The following CNTNAP2 variants were observed in gnomAD, a reference collection of about 807,000 sequenced individuals.
CNTNAP2 encodes the protein contactin-associated protein-like 2.
Under a neutral mutation model 155.2 loss-of-function variants are expected in CNTNAP2, and 98 were observed. The ratio of observed to expected loss-of-function variants is 0.63; its 90% CI spans 0.54 to 0.75. The LOEUF is 0.75. CNTNAP2 is among the 30% of genes least tolerant of loss of function. CNTNAP2 has a pLI of 0.00. For synonymous variants in CNTNAP2, 651 were observed against 631.2 expected (o/e 1.03, Z -0.47); for missense variants, 1,727 against 1,688.1 (o/e 1.02, Z -0.40).
At chr7:146,817,413 A>T (rs961662709) in intron 2 of CNTNAP2, among the ~76,000 whole-genome samples, 1 of 151,958 alleles carries the variant, frequency 6.6e-6, no homozygotes, top group Admixed American at 6.6e-5. Flanking sequence ...CGGAAGTTGC[A>T]GTGAGCCGAG....
intron 1 of CNTNAP2, among the ~76,000 whole-genome samples, chr7:146,231,956 A>C (rs960316937): frequency 6.6e-6 from 1 of 152,224 alleles, no homozygotes; most frequent in South Asian, 2.1e-4. Context: ...TTTTTTTTCT[A>C]ATTTTTGCAA....
intron 8 of CNTNAP2, among the ~76,000 whole-genome samples, chr7:147,192,127 C>A (rs1305514551): frequency 6.6e-6 from 1 of 152,126 alleles, no homozygotes; most frequent in Non-Finnish European, 1.5e-5. Flanking sequence ...GTAAAATAGT[C>A]ATTTGGTCTC....
intron 11 of CNTNAP2, among the ~76,000 whole-genome samples, chr7:147,501,225 A>G (rs1483860699): frequency 6.6e-6 from 1 of 151,760 alleles, no homozygotes; most frequent in African/African-American, 2.4e-5. Context: ...TACAGAAGGA[A>G]CATACCTCAA....
chr7:146,743,357 C>T (rs542385484), intron 1 of CNTNAP2, among the ~76,000 whole-genome samples: 1 of 152,072 alleles, frequency 6.6e-6, no homozygotes, highest in South Asian at 2.1e-4. Flanking sequence ...GTTATAGATG[C>T]CTTTTTTCCT....
chr7:146,816,039 G>T (rs1362798255), intron 2 of CNTNAP2, among the ~76,000 whole-genome samples: 1 of 152,160 alleles, frequency 6.6e-6, no homozygotes, highest in Non-Finnish European at 1.5e-5. Flanking sequence ...GTGATAGTTT[G>T]CTCAGAATGA....
At chr7:147,186,480 A>G (rs1194491586) in intron 8 of CNTNAP2, among the ~76,000 whole-genome samples, 2 of 152,298 alleles carry the variant, frequency 1.3e-5, no homozygotes, top group East Asian at 3.9e-4. Flanking sequence ...TTCTTGAGAG[A>G]CATAGCTAGA....
At chr7:147,869,729 C>T (rs78372348) in intron 13 of CNTNAP2, among the ~76,000 whole-genome samples, 239 of 151,888 alleles carry the variant, frequency 1.6e-3, no homozygotes, top group African/African-American at 5.4e-3. Flanking sequence ...TTTCTAGCCT[C>T]CTTGCTTGAT....
At chr7:147,750,983 T>C (rs1042500014) in intron 13 of CNTNAP2, among the ~76,000 whole-genome samples, 2 of 151,908 alleles carry the variant, frequency 1.3e-5, no homozygotes, top group African/African-American at 4.8e-5. Flanking sequence ...GAGCTTGCAG[T>C]GAGCCGAGAT....
intron 3 of CNTNAP2, among the ~76,000 whole-genome samples, chr7:146,882,004 C>T (rs1421925399): frequency 2.6e-5 from 4 of 151,876 alleles, no homozygotes. Context: ...CTGTTGTTGC[C>T]ATCTTTGTGT....
intron 1 of CNTNAP2, among the ~76,000 whole-genome samples, chr7:146,411,280 C>A (rs2129111097): frequency 6.6e-6 from 1 of 151,988 alleles, no homozygotes; most frequent in Non-Finnish European, 1.5e-5. Context: ...CTTCAGCCTC[C>A]TGAGTAGCTG....
intron 1 of CNTNAP2, among the ~76,000 whole-genome samples, chr7:146,757,264 T>C (rs1012195509): frequency 6.6e-6 from 1 of 152,136 alleles, no homozygotes; most frequent in Non-Finnish European, 1.5e-5. Context: ...GCAGTGTCAT[T>C]ATCTATTACT....
chr7:147,048,746 A>G (rs1311523522), intron 4 of CNTNAP2, among the ~76,000 whole-genome samples: 2 of 152,208 alleles, frequency 1.3e-5, no homozygotes, highest in Admixed American at 6.5e-5. Flanking sequence ...TAATGTGACT[A>G]CTGGCTACCA....
chr7:147,149,255 G>A (rs1437236449), intron 8 of CNTNAP2, among the ~76,000 whole-genome samples: 1 of 152,134 alleles, frequency 6.6e-6, no homozygotes, highest in Non-Finnish European at 1.5e-5. Context: ...TCTGATTGAT[G>A]CATTTACAAT....
intron 4 of CNTNAP2, among the ~76,000 whole-genome samples, chr7:147,104,546 G>A (rs145807444): frequency 1.8e-3 from 271 of 150,526 alleles, no homozygotes; most frequent in African/African-American, 5.8e-3. Flanking sequence ...TGTTTCTTTC[G>A]GATCCCCTAT....
At chr7:147,001,854 G>C (rs1365554837) in intron 3 of CNTNAP2, among the ~76,000 whole-genome samples, 1 of 151,560 alleles carries the variant, frequency 6.6e-6, no homozygotes, top group Non-Finnish European at 1.5e-5. Context: ...AATTGTACAG[G>C]GGAAGGAAAG....
At chr7:147,148,368 C>T (rs537520736) in intron 8 of CNTNAP2, among the ~76,000 whole-genome samples, 139 of 125,576 alleles carry the variant, frequency 1.1e-3, no homozygotes, top group Middle Eastern at 6.7e-3. Context: ...CCAGCCTGGG[C>T]GACAGAGCGA....
At chr7:146,424,519 C>T (rs545674590) in intron 1 of CNTNAP2, among the ~76,000 whole-genome samples, 3 of 152,280 alleles carry the variant, frequency 2.0e-5, no homozygotes, top group South Asian at 2.1e-4. Context: ...GTTCAGCAAA[C>T]GCCTTCTGTC....
chr7:146,193,467 T>C (rs1177297809), intron 1 of CNTNAP2, among the ~76,000 whole-genome samples: 2 of 152,220 alleles, frequency 1.3e-5, no homozygotes, highest in Non-Finnish European at 2.9e-5. Flanking sequence ...CAGTGCCACA[T>C]GGAGGCTGCC....
intron 1 of CNTNAP2, among the ~76,000 whole-genome samples, chr7:146,405,871 G>A (rs1264672512): frequency 6.6e-6 from 1 of 152,162 alleles, no homozygotes; most frequent in Non-Finnish European, 1.5e-5. Context: ...TCAGACTTAT[G>A]TAAGAAATCC....
Sources: gnomAD v4.1 joint callset for allele counts (sites outside exome capture counted in the v4.1 genomes callset) on GRCh38, gnomAD v4.1.1 for gene constraint, MANE v1.5 for transcripts, NCBI Gene and HGNC (gene_info 2026-07-23, HGNC 2026-07-21) for gene names.